The following RBFOX1 variants were observed in gnomAD, a reference collection of about 807,000 sequenced individuals.
RBFOX1 encodes the protein RNA binding protein fox-1 homolog 1.
A neutral mutation model predicts 57.7 loss-of-function variants in RBFOX1; 8 were observed. That is an observed-to-expected ratio of 0.14 (90% CI 0.08 to 0.25). The LOEUF is 0.25. RBFOX1 is among the 10% of genes least tolerant of loss of function. The pLI is 1.00. For synonymous variants in RBFOX1, 326 were observed against 222.4 expected (o/e 1.47, Z -4.15); for missense variants, 611 against 548.5 (o/e 1.11, Z -1.14).
chr16:6,080,243 C>G (rs1430926111), intron 1 of RBFOX1, among the ~76,000 whole-genome samples: 1 of 152,134 alleles, frequency 6.6e-6, no homozygotes, highest in Non-Finnish European at 1.5e-5. Context: ...ACAGAATAAG[C>G]AATGTTGATC....
intron 4 of RBFOX1, among the ~76,000 whole-genome samples, chr16:7,108,915 A>G (rs8056690): frequency 0.56 from 84,671 of 151,956 alleles, 23,768 homozygotes; most frequent in South Asian, 0.69. Context: ...GTTTGTCTGT[A>G]CTGACATTCA....
intron 4 of RBFOX1, among the ~76,000 whole-genome samples, chr16:7,411,046 A>G (rs1302226437): frequency 6.6e-6 from 1 of 152,094 alleles, no homozygotes; most frequent in Non-Finnish European, 1.5e-5. Flanking sequence ...CTTGAGTTTA[A>G]GCAATTCTTG....
intron 2 of RBFOX1, among the ~76,000 whole-genome samples, chr16:5,533,948 T>A (rs549448339): frequency 6.6e-5 from 10 of 152,246 alleles, no homozygotes; most frequent in African/African-American, 2.2e-4. Flanking sequence ...GCAGGAATTG[T>A]TGAGACAGTG....
intron 4 of RBFOX1, among the ~76,000 whole-genome samples, chr16:7,368,418 GGAGT>G (rs1352578746): frequency 6.6e-6 from 1 of 151,976 alleles, no homozygotes; most frequent in Non-Finnish European, 1.5e-5. Context: ...CATCATTCAT[GGAGT>G]CTTTATATGC....
At chr16:7,180,827 C>A in intron 4 of RBFOX1, among the ~76,000 whole-genome samples, 1 of 151,908 alleles carries the variant, frequency 6.6e-6, no homozygotes, top group East Asian at 1.9e-4. Flanking sequence ...ACACATGTGT[C>A]AGATTTAGGA....
At chr16:6,534,638 C>T (rs939360917) in intron 2 of RBFOX1, among the ~76,000 whole-genome samples, 2 of 152,120 alleles carry the variant, frequency 1.3e-5, no homozygotes, top group Non-Finnish European at 2.9e-5. Flanking sequence ...CGCAATCTAC[C>T]TTTTATATAA....
intron 4 of RBFOX1, among the ~76,000 whole-genome samples, chr16:5,911,294 C>T (rs758984716): frequency 2.0e-5 from 3 of 152,162 alleles, no homozygotes; most frequent in African/African-American, 2.4e-5. Context: ...TGACTCCACA[C>T]TTATTACTGA....
intron 2 of RBFOX1, among the ~76,000 whole-genome samples, chr16:6,422,383 C>T (rs908923915): frequency 6.6e-6 from 1 of 152,060 alleles, no homozygotes; most frequent in Non-Finnish European, 1.5e-5. Flanking sequence ...AGTTCTTCAG[C>T]CCATGCCCTC....
chr16:6,809,568 T>A (rs2087882278), intron 3 of RBFOX1, among the ~76,000 whole-genome samples: 1 of 152,138 alleles, frequency 6.6e-6, no homozygotes. Context: ...CTATTGTATA[T>A]GAAGCCTTCA....
At chr16:6,401,226 C>G (rs1172487105) in intron 2 of RBFOX1, among the ~76,000 whole-genome samples, 1 of 152,170 alleles carries the variant, frequency 6.6e-6, no homozygotes, top group Non-Finnish European at 1.5e-5. Context: ...GCCTCAGCTT[C>G]AAGTACCATC....
chr16:5,537,673 A>G (rs961479928), intron 2 of RBFOX1, among the ~76,000 whole-genome samples: 3 of 152,174 alleles, frequency 2.0e-5, no homozygotes, highest in Non-Finnish European at 2.9e-5. Context: ...TCCTGCCTCC[A>G]TCTTCAAAGC....
intron 10 of RBFOX1, among the ~76,000 whole-genome samples, chr16:7,628,743 G>T (rs1368089546): frequency 1.3e-5 from 2 of 152,138 alleles, no homozygotes; most frequent in South Asian, 2.1e-4. Context: ...CTCCTGAGTA[G>T]CTGGAATTAC....
Position 5,910,621 on chromosome 16 carries a change from C to T in RBFOX1, c.351+43286C>T, listed in dbSNP as rs141910508. On this transcript the variant is annotated intron_variant, in intron 4 of 19. Coordinates refer to the RBFOX1 transcript ENST00000641259. ...TAGCAGAGGCAGGGAAGGAGCTGTC[C>T]GGAGTGGCTTTTTGGTCCTAGGAGG... 7.2e-4 allele frequency among the ~76,000 whole-genome samples: 110 copies of T among 152,214 alleles called. 1 individual carries two copies. The highest frequency in any genetic ancestry group is 2.5e-3 in the African/African-American group (102 of 41,542).
chr16:7,641,889 G>A (rs777906456), intron 11 of RBFOX1, among the ~76,000 whole-genome samples: 23 of 152,132 alleles, frequency 1.5e-4, no homozygotes, highest in Admixed American at 3.9e-4. Context: ...GCTGCTTGAG[G>A]CGTTACAGCT....
At chr16:6,519,798 A>G (rs902884576) in intron 2 of RBFOX1, among the ~76,000 whole-genome samples, 1 of 152,208 alleles carries the variant, frequency 6.6e-6, no homozygotes, top group Non-Finnish European at 1.5e-5. Context: ...ACACTTTCTT[A>G]TTTAGTGTCT....
intron 2 of RBFOX1, among the ~76,000 whole-genome samples, chr16:6,581,926 A>G (rs924295316): frequency 1.5e-4 from 23 of 152,222 alleles, no homozygotes; most frequent in African/African-American, 7.2e-5. Context: ...ATATAAACCA[A>G]TCGTTATGAA....
chr16:5,424,876 T>TTTCC (rs1460517070), intron 1 of RBFOX1, among the ~76,000 whole-genome samples: 2 of 7,874 alleles, frequency 2.5e-4, no homozygotes, highest in Admixed American at 1.3e-3. Context: ...CTTTCTTTTT[T>TTTCC]TTCTTTCTTT....
At chr16:6,595,564 G>A (rs1318612555) in intron 2 of RBFOX1, among the ~76,000 whole-genome samples, 6 of 151,988 alleles carry the variant, frequency 3.9e-5, no homozygotes, top group African/African-American at 1.5e-4. Context: ...TATTTCTCTT[G>A]GATATATACC....
intron 4 of RBFOX1, among the ~76,000 whole-genome samples, chr16:7,343,093 A>G (rs974234849): frequency 1.3e-5 from 2 of 152,194 alleles, no homozygotes; most frequent in Middle Eastern, 3.4e-3. Context: ...CCTTCTGGGG[A>G]CAGACTCTTT....
Sources: gnomAD v4.1 joint callset for allele counts (sites outside exome capture counted in the v4.1 genomes callset) on GRCh38, gnomAD v4.1.1 for gene constraint, MANE v1.5 for transcripts, NCBI Gene and HGNC (gene_info 2026-07-23, HGNC 2026-07-21) for gene names.